The following TENM2 variants were observed in gnomAD, a reference collection of about 807,000 sequenced individuals.
TENM2 encodes teneurin transmembrane protein 2.
TENM2 carries 52 observed loss-of-function variants against 245.2 expected under a neutral mutation model. That is an observed-to-expected ratio of 0.21 (90% CI 0.17 to 0.27). The LOEUF (loss-of-function observed/expected upper bound fraction) is 0.27. Among genes scored for constraint, TENM2 ranks in the 10% least tolerant of loss-of-function variants. The probability of loss-of-function intolerance (pLI) is 1.00; values close to 1 mark genes in which losing one functional copy is unlikely to be tolerated. For missense variants in TENM2, 3,046 were observed against 3,666.8 expected (o/e 0.83, Z 4.37); for synonymous variants, 1,363 against 1,438.9 (o/e 0.95, Z 1.19).
intron 2 of TENM2, among the ~76,000 whole-genome samples, chr5:167,790,536 C>A (rs150412668): frequency 6.6e-6 from 1 of 152,068 alleles, no homozygotes; most frequent in Non-Finnish European, 1.5e-5. Flanking sequence ...TAGTCCATGC[C>A]GAAAAGCAAA....
At chr5:167,522,269 A>T (rs1770808346) in intron 2 of TENM2, among the ~76,000 whole-genome samples, 1 of 152,156 alleles carries the variant, frequency 6.6e-6, no homozygotes, top group Non-Finnish European at 1.5e-5. Context: ...CCTTTGATAG[A>T]TTCAGGGCAT....
At chr5:168,047,488 T>C (rs1788707834) in exon 6 of TENM2, 8 of 1,551,526 alleles carry the variant, frequency 5.2e-6, no homozygotes, top group African/African-American at 1.4e-5. Flanking sequence ...CCTTTAACAA[T>C]GGGATAAGGA....
chr5:168,240,773 A>T (rs577163074), intron 25 of TENM2: 1 of 152,290 alleles, frequency 6.6e-6, no homozygotes, highest in African/African-American at 2.4e-5. Flanking sequence ...GGCCAAGGGG[A>T]TGGAAATAAG....
chr5:167,666,253 G>C (rs1453749597), intron 2 of TENM2, among the ~76,000 whole-genome samples: 1 of 152,190 alleles, frequency 6.6e-6, no homozygotes, highest in Non-Finnish European at 1.5e-5. Flanking sequence ...AGGAACTGAA[G>C]TGAAACTTCT....
chr5:168,228,085 G>T (rs1253003878), exon 25 of TENM2: 1 of 1,613,790 alleles, frequency 6.2e-7, no homozygotes, highest in Non-Finnish European at 8.5e-7. Flanking sequence ...GCCTAAGAAA[G>T]GAACAGATTA....
At chr5:167,851,448 A>G (rs1168609115) in intron 2 of TENM2, among the ~76,000 whole-genome samples, 1 of 152,152 alleles carries the variant, frequency 6.6e-6, no homozygotes, top group South Asian at 2.1e-4. Context: ...TGCACTATTG[A>G]AATATTTGGT....
chr5:167,472,221 G>C (rs1004826587), intron 2 of TENM2, among the ~76,000 whole-genome samples: 1 of 152,104 alleles, frequency 6.6e-6, no homozygotes. Flanking sequence ...TTAAAAATGA[G>C]AGTTGTGAGA....
intron 3 of TENM2, 62 bp downstream of exon 5, chr5:167,876,257 A>G: frequency 1.5e-6 from 2 of 1,363,984 alleles, no homozygotes; most frequent in Non-Finnish European, 2.0e-6. Flanking sequence ...TTGATTCTCC[A>G]CCAAAATGAC....
At chr5:167,226,547 C>G in the TENM2 span, among the ~76,000 whole-genome samples, 2 of 151,876 alleles carry the variant, frequency 1.3e-5, no homozygotes, top group Non-Finnish European at 2.9e-5. Context: ...CTTGTCAAAG[C>G]TTGTTTTGTG....
intron 1 of TENM2, among the ~76,000 whole-genome samples, chr5:167,342,888 A>G (rs897097881): frequency 1.4e-5 from 2 of 147,854 alleles, no homozygotes; most frequent in Non-Finnish European, 3.0e-5. Context: ...GAAAGTCATT[A>G]TATGCAACTC....
chr5:168,013,700 C>T (rs549218724), intron 5 of TENM2, among the ~76,000 whole-genome samples: 1 of 152,326 alleles, frequency 6.6e-6, no homozygotes, highest in South Asian at 2.1e-4. Flanking sequence ...CTCTTACATA[C>T]TTGTCCAGGG....
chr5:167,356,462 G>A (rs1183104496), intron 1 of TENM2, among the ~76,000 whole-genome samples: 1 of 152,100 alleles, frequency 6.6e-6, no homozygotes, highest in Non-Finnish European at 1.5e-5. Context: ...AGAGTCACTG[G>A]ATTCTGGGAG....
intron 3 of TENM2, among the ~76,000 whole-genome samples, chr5:167,943,763 G>T (rs1035392913): frequency 6.6e-6 from 1 of 152,164 alleles, no homozygotes; most frequent in African/African-American, 2.4e-5. Flanking sequence ...TAAACTTCTC[G>T]ACAGGGAGTG....
chr5:167,904,995 G>A (rs556805980), intron 3 of TENM2, among the ~76,000 whole-genome samples: 1 of 152,260 alleles, frequency 6.6e-6, no homozygotes, highest in South Asian at 2.1e-4. Flanking sequence ...TTCTTTATCT[G>A]TAAAACTGAC....
intron 2 of TENM2, among the ~76,000 whole-genome samples, chr5:167,686,042 T>C (rs747386865): frequency 4.6e-5 from 7 of 152,188 alleles, no homozygotes; most frequent in Non-Finnish European, 8.8e-5. Flanking sequence ...TCTCATAAGA[T>C]TGACATAAAG....
intron 1 of TENM2, among the ~76,000 whole-genome samples, chr5:167,336,177 T>A (rs75896726): frequency 3.2e-5 from 1 of 30,902 alleles, no homozygotes; most frequent in African/African-American, 7.8e-5. Context: ...TCATTTCTCC[T>A]TTTTTTTTTT....
chr5:167,353,513 T>TTTTG (rs1561886619), intron 1 of TENM2, among the ~76,000 whole-genome samples: 12 of 123,198 alleles, frequency 9.7e-5, no homozygotes, highest in Admixed American at 4.9e-4. Flanking sequence ...TTTTTTTTTT[T>TTTTG]TTTTTTTTTT....
At chr5:168,052,088 C>T (rs1432629390) in intron 6 of TENM2, among the ~76,000 whole-genome samples, 2 of 151,154 alleles carry the variant, frequency 1.3e-5, no homozygotes, top group Non-Finnish European at 3.0e-5. Context: ...AGTGAGACCT[C>T]ATCCCTATTT....
At position 168,118,499 on chromosome 5, in the gene TENM2, GC is replaced by G. The variant is rs781413270; in HGVS notation, c.2008+17del. 2.1e-5 allele frequency: 31 copies of G among 1,501,468 alleles called. No individual in the cohort carries two copies. Among genetic ancestry groups the G allele is most frequent in the Non-Finnish European group, 2.8e-5 (31 of 1,109,046 alleles). The allele number at this position is 1,501,468 out of a possible 1,614,324, so 93.0% of individuals were successfully genotyped here. A position where few individuals can be genotyped will look rare whatever the true frequency, so the allele number is the denominator to read the frequency against. On this transcript the variant is annotated intron_variant, in intron 10 of 28. Transcript: ENST00000518659. ...CACTGTGAGGAAGGTAAGCCCGCCG[GC>G]CCCGGGGCTAGGCAGCAGTGGAGGG...
Sources: allele counts gnomAD v4.1 joint callset (sites outside exome capture counted in the v4.1 genomes callset), GRCh38; gene constraint gnomAD v4.1.1; transcripts MANE v1.5; gene names NCBI Gene and HGNC (gene_info 2026-07-23, HGNC 2026-07-21).